Variants in ADCY1 observed in about 807,000 individuals in gnomAD.
The protein encoded by ADCY1 is adenylate cyclase type 1.
A neutral mutation model predicts 105.4 loss-of-function variants in ADCY1; 28 were observed. The ratio of observed to expected loss-of-function variants is 0.27; its 90% CI spans 0.20 to 0.36. ADCY1 has a LOEUF of 0.36. Ranked by LOEUF, ADCY1 falls within the 10% of genes least tolerant of loss-of-function variation. The probability of loss-of-function intolerance (pLI) is 1.00; values close to 1 mark genes in which losing one functional copy is unlikely to be tolerated. For synonymous variants in ADCY1, 655 were observed against 623.8 expected, an observed-to-expected ratio of 1.05 and a Z score of -0.75; for missense variants, 977 against 1,434.2, an observed-to-expected ratio of 0.68 and a Z score of 5.15.
intron 17 of ADCY1, among the ~76,000 whole-genome samples, chr7:45,706,978 G>A (rs1785135010): frequency 6.6e-6 from 1 of 152,134 alleles, no homozygotes; most frequent in African/African-American, 2.4e-5. Context: ...ATGTTTTTAG[G>A]GCTTTGCAAA....
chr7:45,669,877 C>G (rs945831463), intron 8 of ADCY1, among the ~76,000 whole-genome samples: 3 of 152,046 alleles, frequency 2.0e-5, no homozygotes, highest in African/African-American at 7.2e-5. Flanking sequence ...GATAATTTTG[C>G]TTTCTCCTTT....
Position 45,719,794 on chromosome 7 carries a change from A to G in ADCY1, c.*5799A>G, listed in dbSNP as rs1785434022. ...AACTGCCACGCAGGGCATTTGGGGA[A>G]CCATCCCCGAATGCCCTGATGTGAT... On this transcript the variant is annotated 3_prime_UTR_variant, in exon 20 of 20. Coordinates refer to ENST00000297323, the MANE Select transcript of ADCY1 (RefSeq NM_021116.4). 6.6e-6 allele frequency: 1 copy of G among 152,158 alleles called. No individual in the cohort carries two copies. Among genetic ancestry groups the G allele is most frequent in the African/African-American group, 2.4e-5 (1 of 41,438 alleles). The allele number at this position is 152,158 out of a possible 1,614,324, so 9.4% of individuals were successfully genotyped here.
At chr7:45,619,553 A>G (rs1371674053) in intron 3 of ADCY1, among the ~76,000 whole-genome samples, 1 of 152,168 alleles carries the variant, frequency 6.6e-6, no homozygotes, top group Admixed American at 6.5e-5. Flanking sequence ...ATACACACAC[A>G]CATATACGTA....
At chr7:45,640,043 A>C (rs1211541618) in intron 4 of ADCY1, among the ~76,000 whole-genome samples, 2 of 152,174 alleles carry the variant, frequency 1.3e-5, no homozygotes, top group East Asian at 3.8e-4. Context: ...CTTTAAGGGA[A>C]TATAAGACAA....
At chr7:45,674,438 G>T (rs533120013) in intron 8 of ADCY1, among the ~76,000 whole-genome samples, 3 of 152,194 alleles carry the variant, frequency 2.0e-5, no homozygotes, top group South Asian at 4.1e-4. Flanking sequence ...GCAGTGGTAT[G>T]ATCTCAGCTC....
At chr7:45,610,617 A>T in intron 3 of ADCY1, 120 bp downstream of exon 3, 30 of 752,124 alleles carry the variant, frequency 4.0e-5, no homozygotes, top group East Asian at 6.2e-5. Context: ...TGGGGAAAGA[A>T]TGGGGGTGTG....
At position 45,679,876 on chromosome 7, in the gene ADCY1, C is replaced by T. The variant is rs563795289; in HGVS notation, c.1983+83C>T. ...GCCTGTATCCTGCACCTGCATATCA[C>T]CTGGTCCAGGTATGAGGGTGGCCTG... On this transcript the variant is annotated intron_variant, in intron 11 of 19. Transcript: ENST00000297323. 8.0e-6 allele frequency: 12 copies of T among 1,491,000 alleles called. No individual in the cohort carries two copies. In the Admixed American group the frequency reaches 1.8e-4, roughly 23 times the overall value. 92.4% of individuals were successfully genotyped at this position (1,491,000 alleles called of 1,614,324 possible).
intron 14 of ADCY1, among the ~76,000 whole-genome samples, chr7:45,691,428 A>G (rs1784785255): frequency 6.6e-6 from 1 of 152,258 alleles, no homozygotes. Context: ...ACATTTAGGT[A>G]TGTAGTACAA....
At chr7:45,629,565 G>A (rs2115962928) in intron 4 of ADCY1, among the ~76,000 whole-genome samples, 1 of 146,014 alleles carries the variant, frequency 6.8e-6, no homozygotes, top group South Asian at 2.1e-4. Flanking sequence ...AGGCCGGACT[G>A]CGGACTGCAG....
intron 3 of ADCY1, among the ~76,000 whole-genome samples, chr7:45,617,815 C>G (rs1337685992): frequency 6.6e-6 from 1 of 152,140 alleles, no homozygotes; most frequent in Middle Eastern, 3.2e-3. Context: ...CCAAAGTGAT[C>G]TACAGATTCA....
chr7:45,708,386 G>T lies in ADCY1; in HGVS notation c.2854G>T (p.Ala952Ser), dbSNP rs1195001968. 1 of 1,614,198 alleles carries T rather than the reference G, an allele frequency of 6.2e-7. No homozygotes were observed. Among genetic ancestry groups the T allele is most frequent in the South Asian group, 1.1e-5 (1 of 91,076 alleles). ...KSISSHLSTL[A>S]DFAIEMFDVL... ...CATCTCCTCCCACCTGAGCACGCTG[G>T]CGGACTTTGCCATTGAGATGTTTGA... The change falls in exon 18 of 20, where the codon GCG (alanine) becomes TCG (serine). Residue 952 changes from alanine (A) to serine (S), a missense_variant. Transcript: ENST00000297323. The surrounding 1 kb of genome is among the most constrained non-coding windows in gnomAD (Gnocchi z 4.7).
At chr7:45,700,861 C>T (rs946327091) in intron 14 of ADCY1, among the ~76,000 whole-genome samples, 1 of 152,162 alleles carries the variant, frequency 6.6e-6, no homozygotes, top group Admixed American at 6.5e-5. Flanking sequence ...GTGGGGGTCA[C>T]TCATAGCACA....
chr7:45,632,051 G>A (rs189351381), intron 4 of ADCY1, among the ~76,000 whole-genome samples: 2 of 152,056 alleles, frequency 1.3e-5, no homozygotes, highest in African/African-American at 4.8e-5. Context: ...AATTGTCCCA[G>A]AATCATTTAC....
chr7:45,630,112 TTTGGGTTGAC>T (rs1794196649), intron 4 of ADCY1, among the ~76,000 whole-genome samples: 1 of 152,224 alleles, frequency 6.6e-6, no homozygotes, highest in South Asian at 2.1e-4. Flanking sequence ...CTTCTTTTTA[TTTGGGTTGAC>T]TTTTTTCTTT....
At chr7:45,603,078 C>T (rs1793283849) in intron 2 of ADCY1, among the ~76,000 whole-genome samples, 1 of 152,178 alleles carries the variant, frequency 6.6e-6, no homozygotes. Context: ...TCTTTTGTGA[C>T]TGGCTCTTTC....
intron 17 of ADCY1, among the ~76,000 whole-genome samples, chr7:45,706,876 C>G (rs1350744534): frequency 6.6e-6 from 1 of 152,224 alleles, no homozygotes; most frequent in Middle Eastern, 3.4e-3. Flanking sequence ...AAAAAAAACC[C>G]CAGTTAAAAA....
At chr7:45,657,590 C>T (rs1312681429) in intron 5 of ADCY1, 137 bp from the exon 6 acceptor site, 1 of 923,116 alleles carries the variant, frequency 1.1e-6, no homozygotes, top group African/African-American at 1.6e-5. Context: ...TGCCAGGAGA[C>T]CTCCACGCTC....
chr7:45,643,697 C>T (rs888018879), intron 4 of ADCY1, among the ~76,000 whole-genome samples: 2 of 152,050 alleles, frequency 1.3e-5, no homozygotes, highest in Non-Finnish European at 1.5e-5. Context: ...AGTAAAAAAC[C>T]GAAGTCGAGG....
intron 4 of ADCY1, among the ~76,000 whole-genome samples, chr7:45,645,795 G>C (rs1209858475): frequency 6.6e-6 from 1 of 152,130 alleles, no homozygotes; most frequent in Non-Finnish European, 1.5e-5. Flanking sequence ...CCAGAGCACA[G>C]GTCCTTAGAG....
Sources: allele counts gnomAD v4.1 joint callset (sites outside exome capture counted in the v4.1 genomes callset), GRCh38; gene constraint gnomAD v4.1.1; non-coding constraint Gnocchi (gnomAD v3.1); transcripts MANE v1.5; gene names NCBI Gene and HGNC (gene_info 2026-07-23, HGNC 2026-07-21).